Variants in XPO6 observed in about 807,000 individuals in gnomAD.
The protein encoded by XPO6 is exportin-6.
A neutral mutation model predicts 130.0 loss-of-function variants in XPO6; 3 were observed. The observed-to-expected ratio is 0.02, with a 90% CI of 0.01 to 0.06. The LOEUF is 0.06. XPO6 is among the 10% of genes least tolerant of loss of function. The pLI is 1.00. For missense variants in XPO6, 970 were observed against 1,393.0 expected (o/e 0.70, Z 4.83); for synonymous variants, 524 against 548.9 (o/e 0.95, Z 0.63).
At chr16:28,140,880 GAAAT>G (rs2042878903) in intron 9 of XPO6, among the ~76,000 whole-genome samples, 1 of 151,976 alleles carries the variant, frequency 6.6e-6, no homozygotes, top group Non-Finnish European at 1.5e-5. Flanking sequence ...AATGAACAAA[GAAAT>G]GAATGAAAAA....
intron 21 of XPO6, among the ~76,000 whole-genome samples, chr16:28,103,300 A>G (rs1415305721): frequency 6.6e-6 from 1 of 152,156 alleles, no homozygotes; most frequent in Admixed American, 6.5e-5. Flanking sequence ...AAACTCATCT[A>G]TGCTGCTGAT....
Position 28,142,502 on chromosome 16 carries a change from T to G in XPO6, c.1334+3592A>C, listed in dbSNP as rs372766606. 3.3e-5 allele frequency among the ~76,000 whole-genome samples: 5 copies of G among 152,330 alleles called. No individual in the cohort carries two copies. The East Asian group carries it at 9.7e-4, about 29-fold the overall frequency. On this transcript the variant is annotated intron_variant, in intron 9 of 23. Coordinates refer to ENST00000304658, the MANE Select transcript of XPO6 (RefSeq NM_015171.4). ...AAGGGGTATCTGACAGGACATGCAGTTCCCCAGACGGTGGTTACTATTTAA... is the reference window on the plus strand; with the variant it reads ...AAGGGGTATCTGACAGGACATGCAGGTCCCCAGACGGTGGTTACTATTTAA...
At chr16:28,171,452 CAAAA>C (rs36000498) in intron 4 of XPO6, among the ~76,000 whole-genome samples, 6 of 99,088 alleles carry the variant, frequency 6.1e-5, no homozygotes, top group African/African-American at 2.0e-4. Flanking sequence ...GACTCTGTCT[CAAAA>C]AAAAAAAAAA....
intron 1 of XPO6, 190 bp from the exon 2 acceptor site, chr16:28,181,221 T>C (rs1358459041): frequency 9.9e-6 from 5 of 502,912 alleles, no homozygotes; most frequent in Non-Finnish European, 1.8e-5. Context: ...AAACCCAACG[T>C]TGTTGTTGCA....
intron 14 of XPO6, among the ~76,000 whole-genome samples, chr16:28,118,160 C>T (rs1217298819): frequency 1.3e-5 from 2 of 152,184 alleles, no homozygotes; most frequent in Admixed American, 6.5e-5. Flanking sequence ...TAAGGTGGTA[C>T]TACTATGAGG....
chr16:28,187,492 G>C (rs1473724283), intron 1 of XPO6, among the ~76,000 whole-genome samples: 2 of 151,928 alleles, frequency 1.3e-5, no homozygotes, highest in Non-Finnish European at 2.9e-5. Context: ...ATGTGTCACT[G>C]TTTCTTCTTG....
intron 16 of XPO6, 29 bp downstream of exon 16, chr16:28,112,875 G>A (rs1371737470): frequency 6.2e-7 from 1 of 1,604,808 alleles, no homozygotes; most frequent in East Asian, 2.2e-5. Context: ...CACAGCCCTG[G>A]GGACCCCGGG....
chr16:28,105,645 T>G (rs1260806309), intron 20 of XPO6: 1 of 166,034 alleles, frequency 6.0e-6, no homozygotes, highest in African/African-American at 2.4e-5. Flanking sequence ...ACAAAGGGCT[T>G]TCCTGTAACA....
At chr16:28,131,442 A>G (rs1453481640) in intron 12 of XPO6, among the ~76,000 whole-genome samples, 1 of 152,240 alleles carries the variant, frequency 6.6e-6, no homozygotes, top group Non-Finnish European at 1.5e-5. Flanking sequence ...AGATCCCATA[A>G]GAAGCATGCT....
intron 2 of XPO6, among the ~76,000 whole-genome samples, chr16:28,180,696 C>T (rs1227758859): frequency 1.3e-5 from 2 of 151,948 alleles, no homozygotes; most frequent in African/African-American, 4.8e-5. Flanking sequence ...ACCAAAAAGT[C>T]GCAGGCTTCT....
In XPO6 at chr16:28,154,136, G is replaced by A. The variant is rs2043142329; in HGVS notation, c.1098-1351C>T. On this transcript the variant is annotated intron_variant, in intron 7 of 23. Coordinates refer to ENST00000304658, the MANE Select transcript of XPO6 (RefSeq NM_015171.4). ...GGTGTCATCAATCACTAATACTCAA[G>A]AGTAGGAACTCCTTCCTCACTCACT... 6.1e-6 allele frequency: 6 copies of A among 984,582 alleles called. No individual in the cohort carries two copies. The South Asian group carries it at 2.4e-4, about 39-fold the overall frequency. 61.0% of individuals were successfully genotyped at this position (984,582 alleles called of 1,614,324 possible). A position where few individuals can be genotyped will look rare whatever the true frequency, so the allele number is the denominator to read the frequency against.
rs1026465938 is a variant in XPO6, at chr16:28,153,174, A to C, written c.1098-389T>G. 6.9e-6 allele frequency: 7 copies of C among 1,017,834 alleles called. No individual in the cohort carries two copies. In the African/African-American group the frequency reaches 1.2e-4, roughly 18 times the overall value. 63.1% of individuals were successfully genotyped at this position (1,017,834 alleles called of 1,614,324 possible). On this transcript the variant is annotated intron_variant, in intron 7 of 23. Transcript: ENST00000304658. ...TTCTTTCCGGGAGGCCAAAATACTA[A>C]AGTGAATGGTGCTAAAGACACAAAA... is the stretch of plus-strand genomic sequence containing the variant.
intron 1 of XPO6, among the ~76,000 whole-genome samples, chr16:28,208,433 T>C (rs1031764821): frequency 6.6e-6 from 1 of 152,116 alleles, no homozygotes; most frequent in Non-Finnish European, 1.5e-5. Flanking sequence ...ACAGTTTCCT[T>C]ACCTTTGGGG....
At chr16:28,162,560 A>ATT (rs113189417) in intron 6 of XPO6, among the ~76,000 whole-genome samples, 13 of 140,076 alleles carry the variant, frequency 9.3e-5, no homozygotes, top group African/African-American at 1.3e-4. Context: ...CATATTTGTA[A>ATT]TTTTTTTTTT....
chr16:28,196,153 G>T (rs2043859386), intron 1 of XPO6, among the ~76,000 whole-genome samples: 1 of 152,062 alleles, frequency 6.6e-6, no homozygotes, highest in Non-Finnish European at 1.5e-5. Flanking sequence ...AGTAACTATT[G>T]GTATAAACTA....
chr16:28,200,549 T>C (rs775635458), intron 1 of XPO6, among the ~76,000 whole-genome samples: 1 of 151,888 alleles, frequency 6.6e-6, no homozygotes. Context: ...TGAGCCAAGA[T>C]TGCACCATTG....
chr16:28,172,193 T>C (rs1185368923), intron 4 of XPO6, among the ~76,000 whole-genome samples: 1 of 152,226 alleles, frequency 6.6e-6, no homozygotes, highest in Non-Finnish European at 1.5e-5. Flanking sequence ...TGATAAAATG[T>C]ATAATTTTTC....
intron 15 of XPO6, among the ~76,000 whole-genome samples, chr16:28,116,072 G>C (rs1223653814): frequency 6.6e-6 from 1 of 152,210 alleles, no homozygotes; most frequent in Non-Finnish European, 1.5e-5. Context: ...CAAGGCTGTT[G>C]TACTTTCTCA....
chr16:28,177,130 A>G, intron 3 of XPO6, 90 bp downstream of exon 3: 1 of 781,894 alleles, frequency 1.3e-6, no homozygotes, highest in Non-Finnish European at 2.0e-6. Flanking sequence ...ACCCTCTCCC[A>G]GCACATTACA....
Sources: allele counts gnomAD v4.1 joint callset (sites outside exome capture counted in the v4.1 genomes callset), GRCh38; gene constraint gnomAD v4.1.1; transcripts MANE v1.5; gene names NCBI Gene and HGNC (gene_info 2026-07-23, HGNC 2026-07-21).